ACAN: variants seen among roughly 807,000 people sequenced by gnomAD.
ACAN encodes the protein aggrecan, also known as aggrecan core protein.
Under a neutral mutation model 169.1 loss-of-function variants are expected in ACAN, and 47 were observed. That is an observed-to-expected ratio of 0.28 (90% CI 0.22 to 0.35). ACAN has a LOEUF of 0.35. Ranked by LOEUF, ACAN falls within the 10% of genes least tolerant of loss-of-function variation. The pLI, the probability that ACAN is intolerant of heterozygous loss-of-function variation, is 1.00. For synonymous variants in ACAN, 1,115 were observed against 1,112.2 expected, an observed-to-expected ratio of 1.00 and a Z score of -0.05; for missense variants, 2,716 against 2,759.9, an observed-to-expected ratio of 0.98 and a Z score of 0.36.
chr15:88,845,773 C>G lies in ACAN; in HGVS notation c.1320C>G (p.Thr440=), dbSNP rs368305201. The change falls in exon 7 of 19, where the codon ACC becomes ACG. Residue 440 remains threonine (T), a synonymous_variant. Transcript: ENST00000560601. ...AEVENETGEA[T]RPWGFPTPGL... is the part of the protein sequence containing the mutation. ...TTGAGAATGAGACTGGAGAGGCCAC[C>G]AGGCCCTGGGGCTTTCCCACACCTG... is the stretch of plus-strand genomic sequence containing the variant. The G allele has an allele frequency of 6.2e-6, 10 of 1,606,540 alleles. No individual in the cohort carries two copies. The highest frequency in any genetic ancestry group is 8.5e-6 in the Non-Finnish European group (10 of 1,175,806).
Position 88,835,914 on chromosome 15 carries a change from A to G in ACAN, c.-7-286A>G, listed in dbSNP as rs552675277. Among the ~76,000 whole-genome samples the G allele has an allele frequency of 1.1e-4, 16 of 152,334 alleles. No homozygotes were observed. The South Asian group carries it at 1.2e-3, about 12-fold the overall frequency. ...CGGCCCAGTCAGGTTGACTCATACAATTAACCATCACAGGAACTCATTCAG... is the reference window on the plus strand; with the variant it reads ...CGGCCCAGTCAGGTTGACTCATACAGTTAACCATCACAGGAACTCATTCAG... On this transcript the variant is annotated intron_variant, in intron 1 of 18. Coordinates refer to ENST00000560601, the MANE Select transcript of ACAN (RefSeq NM_001369268.1).
rs891232104 is a variant in ACAN at position 88,849,588 on chromosome 15, C to T, written c.1883C>T (p.Ala628Val). 1.2e-6 allele frequency: 2 copies of T among 1,607,422 alleles called. No individual in the cohort carries two copies. Among genetic ancestry groups the T allele is most frequent in the Non-Finnish European group, 1.7e-6 (2 of 1,177,768 alleles). Residue 628 changes from alanine (A) to valine (V), a missense_variant, in exon 10 of 19, where the codon GCC becomes GTC. This residue lies in a region of ACAN where 1,283 missense variants were observed against 1,281.5 expected (regional missense o/e 1.00). Coordinates refer to ENST00000560601, the MANE Select transcript of ACAN (RefSeq NM_001369268.1). The surrounding 1 kb of genome is among the most constrained non-coding windows in gnomAD (Gnocchi z 5.1). ...GLDKCYAGWL[A>V]DGSLRYPIVT... is the part of the protein sequence containing the mutation. ...GACAAGTGCTATGCCGGCTGGCTGG[C>T]CGACGGCAGCCTCCGCTACCCCATC...
In ACAN at chr15:88,856,974, G is replaced by C. The variant is rs373448175; in HGVS notation, c.4389G>C (p.Ala1463=). The C allele has an allele frequency of 1.7e-5, 27 of 1,610,450 alleles. No individual in the cohort carries two copies. In the South Asian group the frequency reaches 2.7e-4, roughly 16 times the overall value. Residue 1463 remains alanine, a synonymous_variant, in exon 12 of 19, where the codon GCG becomes GCC. Coordinates refer to ENST00000560601, the MANE Select transcript of ACAN (RefSeq NM_001369268.1). ...AAGTTCTAGAGACTTCTACCTCTGC[G>C]GTAGGGGACCTCAGTGGACTTCCTT... is the stretch of plus-strand genomic sequence containing the variant. ...SGEVLETSTS[A]VGDLSGLPSG... is the part of the protein sequence containing the mutation.
intron 9 of ACAN, among the ~76,000 whole-genome samples, chr15:88,848,581 A>C (rs1440006812): frequency 6.6e-6 from 1 of 152,236 alleles, no homozygotes; most frequent in African/African-American, 2.4e-5. Flanking sequence ...AAAAGAAAGA[A>C]AAAGAAAAAC....
chr15:88,833,425 A>G (rs1896415324), intron 1 of ACAN, among the ~76,000 whole-genome samples: 1 of 151,638 alleles, frequency 6.6e-6, no homozygotes. Flanking sequence ...CCTCTGCCTC[A>G]CCTATGCTGT....
intron 1 of ACAN, among the ~76,000 whole-genome samples, chr15:88,833,735 T>C (rs1419992040): frequency 2.1e-5 from 3 of 139,662 alleles, no homozygotes; most frequent in Admixed American, 1.5e-4. Context: ...CTACCCCCAC[T>C]CTCCTCCCCA....
chr15:88,848,131 C>T, intron 9 of ACAN, 93 bp downstream of exon 9: 5 of 1,505,728 alleles, frequency 3.3e-6, no homozygotes, highest in South Asian at 2.6e-5. Flanking sequence ...GGGGTTACCA[C>T]CCACCCACCC....
intron 6 of ACAN, 78 bp from the exon 7 acceptor site, chr15:88,845,427 C>T (rs1042139751): frequency 3.2e-5 from 49 of 1,513,870 alleles, no homozygotes; most frequent in Non-Finnish European, 3.8e-5. Flanking sequence ...GAGCCATGCT[C>T]ATCTCCAGCC....
Position 88,807,447 on chromosome 15 carries a change from G to A in ACAN, c.-8+3638G>A, listed in dbSNP as rs541821288. ...GCCCCTTCAATGGGATGAAGGGCCC[G>A]TTTCTGTGACAGCTACTTTGGGAGT... On this transcript the variant is annotated intron_variant, in intron 1 of 18. Coordinates refer to ENST00000560601, the MANE Select transcript of ACAN (RefSeq NM_001369268.1). This position sits in a 1 kb window ranked among gnomAD's most constrained non-coding sequence, Gnocchi z 4.0. Among the ~76,000 whole-genome samples the A allele has an allele frequency of 7.2e-5, 11 of 152,148 alleles. No individual in the cohort carries two copies. Among genetic ancestry groups the A allele is most frequent in the East Asian group, 1.9e-4 (1 of 5,184 alleles).
chr15:88,844,033 G>T (rs1896733741), intron 6 of ACAN, among the ~76,000 whole-genome samples: 1 of 152,140 alleles, frequency 6.6e-6, no homozygotes, highest in Non-Finnish European at 1.5e-5. Flanking sequence ...AGACGTTGGG[G>T]GTCTGACATG....
intron 13 of ACAN, among the ~76,000 whole-genome samples, chr15:88,867,719 C>T (rs192380982): frequency 1.3e-5 from 2 of 152,330 alleles, no homozygotes; most frequent in East Asian, 3.9e-4. Flanking sequence ...ATTCTAGCCC[C>T]ACACAGCCTT....
At position 88,871,517 on chromosome 15, in the gene ACAN, C is replaced by T. The variant is rs770628724; in HGVS notation, c.7196C>T (p.Pro2399Leu). The change falls in exon 15 of 19, where the codon CCC becomes CTC. Residue 2399 changes from proline (P) to leucine (L), a missense_variant. By Grantham distance (98) the Pro-to-Leu change is moderately conservative (BLOSUM62 -3). Around this residue, in one of 3 missense-constraint regions of ACAN, gnomAD observed 1,389 missense variants for 1,363.7 expected, o/e 1.02. Coordinates refer to ENST00000560601, the MANE Select transcript of ACAN (RefSeq NM_001369268.1). This position sits in a 1 kb window ranked among gnomAD's most constrained non-coding sequence, Gnocchi z 7.8. ...QQSHLSSIVT[P>L]EEQEFVNNNA... ...TCACACCTGAGCAGCATCGTCACCC[C>T]CGAGGAGCAGGAGTTTGTCAACAGT... is the stretch of plus-strand genomic sequence containing the variant. The T allele has an allele frequency of 1.2e-6, 2 of 1,613,378 alleles. No individual in the cohort carries two copies. Among genetic ancestry groups the T allele is most frequent in the Non-Finnish European group, 1.7e-6 (2 of 1,179,700 alleles).
chr15:88,853,461 A>G (rs1244907503), intron 11 of ACAN, among the ~76,000 whole-genome samples: 2 of 152,284 alleles, frequency 1.3e-5, no homozygotes, highest in East Asian at 3.9e-4. Context: ...AACATGGCAA[A>G]ACCCAGTGTC....
In ACAN at chr15:88,870,569, C is replaced by G. The variant is rs954113544; in HGVS notation, c.7061-813C>G. Among the ~76,000 whole-genome samples, 2 of 152,188 alleles carry G rather than the reference C, an allele frequency of 1.3e-5. No individual in the cohort carries two copies. The highest frequency in any genetic ancestry group is 2.9e-5 in the Non-Finnish European group (2 of 68,024). ...GTTGAGAGGAGACACTAACAATGAG[C>G]TCTCTCAAAGCTGAGTGAGCCAGCT... On this transcript the variant is annotated intron_variant, in intron 14 of 18. Transcript: ENST00000560601. The surrounding 1 kb of genome is among the most constrained non-coding windows in gnomAD (Gnocchi z 6.3).
chr15:88,826,374 CTTTT>C (rs59069149), intron 1 of ACAN, among the ~76,000 whole-genome samples: 2 of 111,584 alleles, frequency 1.8e-5, no homozygotes, highest in Admixed American at 9.8e-5. Flanking sequence ...CCTTTTTTTT[CTTTT>C]TTTTTTTTTT....
chr15:88,852,162 G>C, intron 11 of ACAN, 129 bp downstream of exon 11: 3 of 1,385,496 alleles, frequency 2.2e-6, no homozygotes, highest in Non-Finnish European at 2.9e-6. Context: ...GACACTGGCT[G>C]GGTGTTCTGC....
At position 88,843,295 on chromosome 15, in the gene ACAN, G is replaced by GC; in HGVS notation, c.758-60_758-59insC. On this transcript the variant is annotated intron_variant, in intron 5 of 18. Coordinates refer to ENST00000560601, the MANE Select transcript of ACAN (RefSeq NM_001369268.1). This position sits in a 1 kb window ranked among gnomAD's most constrained non-coding sequence, Gnocchi z 4.0. ...CGTGGAAAAGTGTGGATCTCTCTGG[G>GC]GATGCAGAGCAGGGGGAGGGGGGAG... 1 of 1,419,538 alleles carries GC rather than the reference G, an allele frequency of 7.0e-7. No homozygotes were observed. The allele number at this position is 1,419,538 out of a possible 1,614,324, so 87.9% of individuals were successfully genotyped here.
intron 1 of ACAN, among the ~76,000 whole-genome samples, chr15:88,824,770 T>C (rs562750599): frequency 2.1e-4 from 32 of 152,108 alleles, no homozygotes; most frequent in African/African-American, 7.7e-4. Flanking sequence ...TCCCAGCTAC[T>C]TGGGAGGCTG....
chr15:88,836,406 C>A, intron 2 of ACAN, 130 bp downstream of exon 2: 1 of 809,140 alleles, frequency 1.2e-6, no homozygotes, highest in South Asian at 1.5e-5. Flanking sequence ...TTCCTGGCCC[C>A]ACCCTTCCCC....
Sources: gnomAD v4.1 joint callset for allele counts (sites outside exome capture counted in the v4.1 genomes callset) on GRCh38, gnomAD v4.1.1 for gene constraint, gnomAD v4.1.1 regional missense constraint, Gnocchi (gnomAD v3.1) non-coding constraint, MANE v1.5 for transcripts, NCBI Gene and HGNC (gene_info 2026-07-23, HGNC 2026-07-21) for gene names.